CACNA2D3: variants seen among roughly 807,000 people sequenced by gnomAD.
CACNA2D3 encodes calcium voltage-gated channel auxiliary subunit alpha2delta 3, also known as voltage-dependent calcium channel subunit alpha-2/delta-3.
Under a neutral mutation model 160.6 loss-of-function variants are expected in CACNA2D3, and 60 were observed. That is an observed-to-expected ratio of 0.37 (90% CI 0.30 to 0.46). The LOEUF is 0.46. Ranked by LOEUF, CACNA2D3 falls within the 20% of genes least tolerant of loss-of-function variation. The pLI is 1.00. For synonymous variants in CACNA2D3, 558 were observed against 492.9 expected, an observed-to-expected ratio of 1.13 and a Z score of -1.75; for missense variants, 1,205 against 1,365.0, an observed-to-expected ratio of 0.88 and a Z score of 1.85.
chr3:54,803,380 T>C (rs1487703545), intron 13 of CACNA2D3, among the ~76,000 whole-genome samples: 1 of 152,082 alleles, frequency 6.6e-6, no homozygotes, highest in African/African-American at 2.4e-5. Flanking sequence ...CTGATGGAGC[T>C]GAAAGCCAAG....
At chr3:54,373,722 G>A (rs1350144158) in intron 3 of CACNA2D3, among the ~76,000 whole-genome samples, 1 of 152,176 alleles carries the variant, frequency 6.6e-6, no homozygotes, top group Non-Finnish European at 1.5e-5. Flanking sequence ...CTTGCTCAAT[G>A]GCTTTCTGAT....
At chr3:54,808,045 G>C (rs562668391) in intron 13 of CACNA2D3, among the ~76,000 whole-genome samples, 1 of 122,652 alleles carries the variant, frequency 8.2e-6, no homozygotes, top group Non-Finnish European at 1.7e-5. Flanking sequence ...TCACACTCTG[G>C]GGCCTGTTGT....
chr3:54,312,289 A>T (rs950794398), intron 2 of CACNA2D3, among the ~76,000 whole-genome samples: 3 of 152,168 alleles, frequency 2.0e-5, no homozygotes, highest in African/African-American at 7.2e-5. Context: ...GTGTAATTTC[A>T]GTTTTTGATG....
intron 4 of CACNA2D3, among the ~76,000 whole-genome samples, chr3:54,483,199 T>C (rs900774542): frequency 1.3e-5 from 2 of 152,212 alleles, no homozygotes; most frequent in African/African-American, 4.8e-5. Flanking sequence ...AATTTGCACT[T>C]TTTGTATGCA....
intron 5 of CACNA2D3, among the ~76,000 whole-genome samples, chr3:54,549,569 G>A (rs891477217): frequency 1.1e-4 from 17 of 152,210 alleles, no homozygotes; most frequent in African/African-American, 4.1e-4. Flanking sequence ...GCCCACGGAA[G>A]CCGTGACTGT....
At chr3:54,924,738 TC>T in intron 27 of CACNA2D3, 1 of 1,614,108 alleles carries the variant, frequency 6.2e-7, no homozygotes, top group South Asian at 1.1e-5. Context: ...GAGCGCTCGA[TC>T]AAGCTGCTGA....
At chr3:54,959,346 G>C (rs979927712) in intron 27 of CACNA2D3, among the ~76,000 whole-genome samples, 4 of 152,098 alleles carry the variant, frequency 2.6e-5, no homozygotes, top group Admixed American at 6.5e-5. Flanking sequence ...GGTGTGCTTG[G>C]GCAAGTTCTT....
chr3:54,658,706 G>A (rs1699916792), intron 11 of CACNA2D3, among the ~76,000 whole-genome samples: 1 of 152,168 alleles, frequency 6.6e-6, no homozygotes, highest in South Asian at 2.1e-4. Context: ...AATCAGCAGA[G>A]TAAAGAGGAA....
intron 2 of CACNA2D3, among the ~76,000 whole-genome samples, chr3:54,183,892 G>GAAAAAAAAAAAAAAAA (rs58956795): frequency 1.2e-5 from 1 of 80,754 alleles, no homozygotes; most frequent in Non-Finnish European, 2.1e-5. Context: ...TCTCAAAAAA[G>GAAAAAAAAAAAAAAAA]AAAAAAAAAA....
intron 27 of CACNA2D3, among the ~76,000 whole-genome samples, chr3:54,962,591 A>G (rs898346714): frequency 1.3e-5 from 2 of 152,070 alleles, no homozygotes; most frequent in Non-Finnish European, 2.9e-5. Flanking sequence ...AGCCGGTGCA[A>G]CTCTATTGGT....
At chr3:54,840,648 A>G (rs1156288402) in intron 16 of CACNA2D3, among the ~76,000 whole-genome samples, 2 of 149,556 alleles carry the variant, frequency 1.3e-5, no homozygotes, top group Non-Finnish European at 3.0e-5. Context: ...TGACTTGGTG[A>G]TCCACCCGCC....
chr3:54,724,734 C>A (rs1701243890), intron 11 of CACNA2D3, among the ~76,000 whole-genome samples: 1 of 152,136 alleles, frequency 6.6e-6, no homozygotes, highest in Admixed American at 6.5e-5. Flanking sequence ...AGAATGAAGA[C>A]ACAACATACC....
chr3:54,886,004 C>T (rs1211121158), intron 23 of CACNA2D3, among the ~76,000 whole-genome samples: 1 of 152,198 alleles, frequency 6.6e-6, no homozygotes, highest in Non-Finnish European at 1.5e-5. Flanking sequence ...ACGACGGGGA[C>T]ACGTAGCCTC....
rs149356326 is a variant in CACNA2D3, at chr3:54,740,759, C to A, written c.1168-11840C>A. ...TGACAGGGGAAACTGCTATTTTGGA[C>A]TAATTCCTAGTGACAGGGAGGATGG... is the stretch of plus-strand genomic sequence containing the variant. On this transcript the variant is annotated intron_variant, in intron 11 of 37. Coordinates refer to ENST00000474759, the MANE Select transcript of CACNA2D3 (RefSeq NM_018398.3). Among the ~76,000 whole-genome samples, 311 of 152,278 alleles carry A rather than the reference C, an allele frequency of 2.0e-3. 4 individuals are homozygous for A. The highest frequency in any genetic ancestry group is 6.8e-3 in the Middle Eastern group (2 of 294).
chr3:54,931,374 A>G (rs1012325563), intron 27 of CACNA2D3, among the ~76,000 whole-genome samples: 1 of 152,182 alleles, frequency 6.6e-6, no homozygotes, highest in Non-Finnish European at 1.5e-5. Flanking sequence ...AGGCTGATTG[A>G]TTTATTCCAT....
At chr3:55,031,894 C>G (rs1703697345) in intron 35 of CACNA2D3, among the ~76,000 whole-genome samples, 1 of 152,138 alleles carries the variant, frequency 6.6e-6, no homozygotes, top group Non-Finnish European at 1.5e-5. Flanking sequence ...TCAGATGCAT[C>G]TGAAAACATT....
At chr3:54,948,442 A>G (rs1297649657) in intron 27 of CACNA2D3, among the ~76,000 whole-genome samples, 3 of 152,200 alleles carry the variant, frequency 2.0e-5, no homozygotes, top group Non-Finnish European at 2.9e-5. Flanking sequence ...CATTGTCCAG[A>G]ACTTGGTTAC....
At chr3:54,760,917 A>C (rs969877617) in intron 12 of CACNA2D3, among the ~76,000 whole-genome samples, 1 of 151,940 alleles carries the variant, frequency 6.6e-6, no homozygotes. Flanking sequence ...ATCCCTGTGG[A>C]GGTGTCGGGT....
intron 37 of CACNA2D3, 121 bp downstream of exon 37, chr3:55,073,980 A>AAACTG: frequency 2.8e-6 from 3 of 1,073,736 alleles, no homozygotes; most frequent in Non-Finnish European, 4.3e-6. Context: ...TTCATTCAGT[A>AAACTG]AACTGAATCT....
Sources: gnomAD v4.1 joint callset for allele counts (sites outside exome capture counted in the v4.1 genomes callset) on GRCh38, gnomAD v4.1.1 for gene constraint, MANE v1.5 for transcripts, NCBI Gene and HGNC (gene_info 2026-07-23, HGNC 2026-07-21) for gene names.